HAUS6: variants seen among roughly 807,000 people sequenced by gnomAD.
The protein encoded by HAUS6 is HAUS augmin-like complex subunit 6.
Under a neutral mutation model 106.8 loss-of-function variants are expected in HAUS6, and 80 were observed. That is an observed-to-expected ratio of 0.75 (90% CI 0.63 to 0.90). The LOEUF (loss-of-function observed/expected upper bound fraction) is 0.90. Among genes scored for constraint, HAUS6 ranks in the 40% least tolerant of loss-of-function variants. The pLI, the probability that HAUS6 is intolerant of heterozygous loss-of-function variation, is 0.00. For missense variants in HAUS6, 1,155 were observed against 1,118.1 expected, an observed-to-expected ratio of 1.03 and a Z score of -0.47; for synonymous variants, 356 against 379.1, an observed-to-expected ratio of 0.94 and a Z score of 0.71.
intron 5 of HAUS6, among the ~76,000 whole-genome samples, chr9:19,087,957 A>C (rs1002131983): frequency 3.3e-5 from 5 of 152,140 alleles, no homozygotes; most frequent in African/African-American, 1.2e-4. Flanking sequence ...ATCAATGCCT[A>C]AACAGTATCT....
chr9:19,066,447 G>A (rs1405716463), intron 12 of HAUS6, among the ~76,000 whole-genome samples: 1 of 152,076 alleles, frequency 6.6e-6, no homozygotes, highest in Non-Finnish European at 1.5e-5. Flanking sequence ...TAACACAAAT[G>A]ACATTTAGCT....
chr9:19,063,202 G>A lies in HAUS6; in HGVS notation c.1444-9C>T, dbSNP rs758384751. On this transcript the variant is annotated splice_polypyrimidine_tract_variant and intron_variant, in intron 13 of 16. Transcript: ENST00000380502. ...GTTCCCATCTTTGTGTCCTGAAGAA[G>A]ACAGATATGTAATGTTAAACCCTTA... 6.4e-6 allele frequency: 10 copies of A among 1,566,664 alleles called. No homozygotes were observed. The highest frequency in any genetic ancestry group is 8.7e-6 in the Non-Finnish European group (10 of 1,143,296).
chr9:19,082,641 G>A (rs569043819), intron 8 of HAUS6, among the ~76,000 whole-genome samples: 2 of 152,184 alleles, frequency 1.3e-5, no homozygotes, highest in South Asian at 4.1e-4. Context: ...AGCTACTCGG[G>A]AGGCTGAGGC....
chr9:19,099,248 G>C (rs1200521063), intron 1 of HAUS6, among the ~76,000 whole-genome samples: 1 of 149,616 alleles, frequency 6.7e-6, no homozygotes, highest in South Asian at 2.1e-4. Context: ...CTCACTGCAA[G>C]CTCTGCCTCC....
In HAUS6 at chr9:19,095,205, G is replaced by A. The variant is rs548233360; in HGVS notation, c.225-810C>T. On this transcript the variant is annotated intron_variant, in intron 2 of 16. Transcript: ENST00000380502. ...AAACAAGACAGAAAAACATTAAAAA[G>A]AGAAGTTTTGCTTCAACTTTGGTCA... Among the ~76,000 whole-genome samples the A allele has an allele frequency of 2.6e-5, 4 of 151,826 alleles. No individual in the cohort carries two copies. In the South Asian group the frequency reaches 8.3e-4, roughly 32 times the overall value.
chr9:19,091,390 G>A (rs756240813), intron 4 of HAUS6, among the ~76,000 whole-genome samples: 13 of 151,892 alleles, frequency 8.6e-5, no homozygotes, highest in South Asian at 2.1e-4. Flanking sequence ...CTCTGAACAC[G>A]TTGACTGGAA....
chr9:19,062,460 G>C (rs182232486), intron 14 of HAUS6, among the ~76,000 whole-genome samples: 1 of 152,296 alleles, frequency 6.6e-6, no homozygotes, highest in East Asian at 1.9e-4. Context: ...AATGTTTAAA[G>C]AATGGGAAGT....
In HAUS6 at chr9:19,066,022, G is replaced by A. The variant is rs1036506295; in HGVS notation, c.1377-2442C>T. ...GGGATCCTGGCTCACTGCAACCTCC[G>A]CCTCCTGGGTTCAAGCACTTCTCCT... On this transcript the variant is annotated intron_variant, in intron 12 of 16. Coordinates refer to ENST00000380502, the MANE Select transcript of HAUS6 (RefSeq NM_017645.5). Among the ~76,000 whole-genome samples, 55 of 145,958 alleles carry A rather than the reference G, an allele frequency of 3.8e-4. 1 individual carries two copies. Among genetic ancestry groups the A allele is most frequent in the African/African-American group, 1.0e-3 (40 of 39,268 alleles).
At chr9:19,090,237 G>A (rs934864801) in intron 4 of HAUS6, among the ~76,000 whole-genome samples, 16 of 152,026 alleles carry the variant, frequency 1.1e-4, no homozygotes, top group African/African-American at 3.9e-4. Context: ...AATTTTCAGA[G>A]TGTATCCACC....
chr9:19,087,221 T>C lies in HAUS6; in HGVS notation c.585-65A>G, dbSNP rs1246165115. 10 of 909,464 alleles carry C rather than the reference T, an allele frequency of 1.1e-5. No homozygotes were observed. In the East Asian group the frequency reaches 2.2e-4, roughly 20 times the overall value. 56.3% of individuals were successfully genotyped at this position (909,464 alleles called of 1,614,324 possible). A position where few individuals can be genotyped will look rare whatever the true frequency, so the allele number is the denominator to read the frequency against. ...ACGATTAATTAGTATAGCCCACTTC[T>C]CTATTTTCCCTTTGCATATCCTTGT... On this transcript the variant is annotated intron_variant, in intron 5 of 16. Coordinates refer to ENST00000380502, the MANE Select transcript of HAUS6 (RefSeq NM_017645.5).
At chr9:19,072,222 C>T (rs550414245) in intron 11 of HAUS6, among the ~76,000 whole-genome samples, 2 of 150,388 alleles carry the variant, frequency 1.3e-5, no homozygotes, top group South Asian at 2.1e-4. Flanking sequence ...AATTAACTAA[C>T]TACAAATGGG....
chr9:19,077,538 AAATAAT>A (rs961002982), intron 10 of HAUS6, among the ~76,000 whole-genome samples: 6 of 152,118 alleles, frequency 3.9e-5, no homozygotes, highest in Non-Finnish European at 5.9e-5. Context: ...CTGTCTCAAA[AAATAAT>A]AATAATAATT....
At chr9:19,102,478 TC>T (rs1476175328) in intron 1 of HAUS6, 45 bp downstream of exon 1, 1 of 1,592,990 alleles carries the variant, frequency 6.3e-7, no homozygotes, top group East Asian at 2.2e-5. Flanking sequence ...TCCCCCGGCG[TC>T]CCCCGGTTCA....
chr9:19,090,514 G>A (rs767011815), intron 4 of HAUS6, among the ~76,000 whole-genome samples: 7 of 152,040 alleles, frequency 4.6e-5, no homozygotes, highest in African/African-American at 7.2e-5. Flanking sequence ...ACAGGTGCCC[G>A]CCACCACGCC....
At position 19,063,180 on chromosome 9, in the gene HAUS6, C is replaced by A. The variant is rs1836668718; in HGVS notation, c.1457G>T (p.Gly486Val). The A allele has an allele frequency of 1.3e-6, 2 of 1,598,758 alleles. No individual in the cohort carries two copies. The highest frequency in any genetic ancestry group is 4.5e-5 in the East Asian group (2 of 44,758). ...VTVLEKDTKM[G>V]TPKEKNEAIS... ...TGCTTCATTTTTTTCTTTGGGAGTT[C>A]CCATCTTTGTGTCCTGAAGAAGACA... The change falls in exon 14 of 17, where the codon GGA (glycine) becomes GTA (valine). Residue 486 changes from glycine (G) to valine (V), a missense_variant. Gly to Val is a moderately radical substitution (Grantham distance 109). Transcript: ENST00000380502.
chr9:19,087,988 A>C (rs1817659165), intron 5 of HAUS6, among the ~76,000 whole-genome samples: 1 of 152,242 alleles, frequency 6.6e-6, no homozygotes, highest in South Asian at 2.1e-4. Context: ...AGAAACTCCA[A>C]GAAAAAAAGA....
chr9:19,086,981 C>A, intron 6 of HAUS6, 110 bp downstream of exon 6: 1 of 665,450 alleles, frequency 1.5e-6, no homozygotes, highest in Admixed American at 2.6e-5. Context: ...CATCATCTGG[C>A]TATTGATATA....
intron 1 of HAUS6, among the ~76,000 whole-genome samples, chr9:19,098,058 T>C (rs1222702116): frequency 2.6e-5 from 4 of 152,360 alleles, no homozygotes; most frequent in Middle Eastern, 3.4e-3. Flanking sequence ...CTGTTGTTTT[T>C]TCACAAAGTA....
chr9:19,091,961 CA>C (rs1421626372), intron 4 of HAUS6, among the ~76,000 whole-genome samples: 1 of 151,100 alleles, frequency 6.6e-6, no homozygotes, highest in Non-Finnish European at 1.5e-5. Flanking sequence ...CACACTCAGC[CA>C]AAAAATAAAC....
Sources: gnomAD v4.1 joint callset for allele counts (sites outside exome capture counted in the v4.1 genomes callset) on GRCh38, gnomAD v4.1.1 for gene constraint, MANE v1.5 for transcripts, NCBI Gene and HGNC (gene_info 2026-07-23, HGNC 2026-07-21) for gene names.